RPS6KA6: variants seen among roughly 807,000 people sequenced by gnomAD.
The protein encoded by RPS6KA6 is ribosomal protein S6 kinase alpha-6.
A neutral mutation model predicts 65.4 loss-of-function variants in RPS6KA6; 27 were observed. The ratio of observed to expected loss-of-function variants is 0.41; its 90% CI spans 0.30 to 0.57. The LOEUF (loss-of-function observed/expected upper bound fraction) is 0.57, where lower values mean the gene tolerates loss of function less well. Among genes scored for constraint, RPS6KA6 ranks in the 20% least tolerant of loss-of-function variants. The probability of loss-of-function intolerance (pLI) is 0.24; values close to 1 mark genes in which losing one functional copy is unlikely to be tolerated. For synonymous variants in RPS6KA6, 190 were observed against 184.2 expected, an observed-to-expected ratio of 1.03 and a Z score of -0.26; for missense variants, 486 against 555.6, an observed-to-expected ratio of 0.87 and a Z score of 1.26.
At chrX:84,108,818 C>T (rs907095607) in intron 12 of RPS6KA6, among the ~76,000 whole-genome samples, 12 of 111,677 alleles carry the variant, frequency 1.1e-4, no homozygotes, top group African/African-American at 3.3e-4. Context: ...TTGTGCACAC[C>T]TCAAAGACAG....
At chrX:84,117,297 T>C (rs941880747) in intron 10 of RPS6KA6, 87 bp downstream of exon 10, 2 of 686,828 alleles carry the variant, frequency 2.9e-6, no homozygotes, top group Non-Finnish European at 4.3e-6. Flanking sequence ...AAGGTACTCT[T>C]GTATTATTTT....
intron 13 of RPS6KA6, 122 bp downstream of exon 13, chrX:84,107,500 TC>T (rs1801037155): frequency 4.8e-6 from 2 of 414,174 alleles, no homozygotes. Context: ...GATCCATATT[TC>T]CCATGGACAA....
intron 20 of RPS6KA6, among the ~76,000 whole-genome samples, chrX:84,072,435 A>G (rs150682995): frequency 8.9e-6 from 1 of 111,890 alleles, no homozygotes; most frequent in African/African-American, 3.2e-5. Context: ...TGACAAACCC[A>G]CAACTAATAT....
chrX:84,082,174 C>A (rs1363393956), intron 20 of RPS6KA6, among the ~76,000 whole-genome samples: 2 of 111,735 alleles, frequency 1.8e-5, no homozygotes, highest in Non-Finnish European at 3.8e-5. Context: ...TTGCAGATGA[C>A]ATTATTGTAT....
intron 8 of RPS6KA6, among the ~76,000 whole-genome samples, chrX:84,131,830 G>T (rs887854575): frequency 2.7e-5 from 3 of 111,396 alleles, no homozygotes; most frequent in Non-Finnish European, 5.7e-5. Flanking sequence ...GGGTTATTTT[G>T]GGGGGTAGGT....
chrX:84,065,374 G>A (rs958105488), intron 20 of RPS6KA6, among the ~76,000 whole-genome samples: 1 of 111,433 alleles, frequency 9.0e-6, no homozygotes, highest in Non-Finnish European at 1.9e-5. Flanking sequence ...AGTGACGGAG[G>A]AGGAAAATGT....
chrX:84,083,545 G>T (rs1256885571), intron 20 of RPS6KA6, among the ~76,000 whole-genome samples: 2 of 112,058 alleles, frequency 1.8e-5, no homozygotes, highest in African/African-American at 6.5e-5. Context: ...CCATGTCCCT[G>T]CAAAGAACAT....
intron 9 of RPS6KA6, among the ~76,000 whole-genome samples, chrX:84,118,154 C>G (rs778055106): frequency 9.2e-4 from 103 of 112,031 alleles, no homozygotes; most frequent in Non-Finnish European, 1.6e-3. Context: ...ATTTAAATCT[C>G]AAACTTAGAT....
intron 2 of RPS6KA6, among the ~76,000 whole-genome samples, chrX:84,158,972 A>G (rs2035463334): frequency 3.6e-5 from 4 of 111,765 alleles, no homozygotes; most frequent in African/African-American, 3.2e-5. Context: ...TTGAAAAACA[A>G]TATTTGGGTG....
At chrX:84,085,639 T>C (rs1043781981) in intron 20 of RPS6KA6, among the ~76,000 whole-genome samples, 3 of 111,263 alleles carry the variant, frequency 2.7e-5, no homozygotes, top group Non-Finnish European at 3.8e-5. Context: ...CTGGAGTTAT[T>C]TGTTGTTGTT....
At chrX:84,098,453 T>C (rs149002162) in intron 18 of RPS6KA6, among the ~76,000 whole-genome samples, 327 of 111,390 alleles carry the variant, frequency 2.9e-3, no homozygotes, top group African/African-American at 0.01. Context: ...AAGCTGTTTT[T>C]TGGGGCCAGT....
chrX:84,170,165 T>TA (rs746518015), intron 1 of RPS6KA6, among the ~76,000 whole-genome samples: 7,488 of 55,108 alleles, frequency 0.14, 565 homozygotes, highest in East Asian at 0.45. Flanking sequence ...AGACTCCTTC[T>TA]AAAAAAAAAA....
At chrX:84,166,870 TA>T (rs775192464) in intron 1 of RPS6KA6, among the ~76,000 whole-genome samples, 87 of 111,307 alleles carry the variant, frequency 7.8e-4, no homozygotes, top group Middle Eastern at 4.6e-3. Flanking sequence ...GTGAATATAA[TA>T]AAAAGTATTG....
At position 84,186,291 on chromosome X, in the gene RPS6KA6, A is replaced by G. The variant is rs915690764; in HGVS notation, c.81+1528T>C. 7.2e-5 allele frequency: 26 copies of G among 361,134 alleles called. No homozygotes were observed. In the Admixed American group the frequency reaches 1.3e-3, roughly 18 times the overall value. The allele number at this position is 361,134 out of a possible 1,213,427, so 29.8% of individuals were successfully genotyped here. A position where few individuals can be genotyped will look rare whatever the true frequency, so the allele number is the denominator to read the frequency against. Reference sequence around the variant, plus strand: ...GATTCCCACCTCCCATCCCATCCTTATATCAAAGCATTTAACTGTTTTTAT... The same window carrying G: ...GATTCCCACCTCCCATCCCATCCTTGTATCAAAGCATTTAACTGTTTTTAT... On this transcript the variant is annotated intron_variant, in intron 1 of 21. Coordinates refer to ENST00000262752, the MANE Select transcript of RPS6KA6 (RefSeq NM_014496.5).
chrX:84,166,465 T>C (rs2035598215), intron 1 of RPS6KA6, among the ~76,000 whole-genome samples: 1 of 111,330 alleles, frequency 9.0e-6, no homozygotes, highest in African/African-American at 3.3e-5. Context: ...ATTTTAAAAA[T>C]ACTGGATAGA....
chrX:84,083,254 A>T (rs1439109805), intron 20 of RPS6KA6, among the ~76,000 whole-genome samples: 1 of 112,944 alleles, frequency 8.9e-6, no homozygotes, highest in Non-Finnish European at 1.9e-5. Flanking sequence ...TTTACAAGAA[A>T]AAAACATGCA....
chrX:84,094,770 C>T (rs2034121040), intron 20 of RPS6KA6, among the ~76,000 whole-genome samples: 1 of 111,923 alleles, frequency 8.9e-6, no homozygotes, highest in South Asian at 3.7e-4. Context: ...TAACTGTGAG[C>T]CAACCAGGAA....
At chrX:84,177,877 C>T (rs989494991) in intron 1 of RPS6KA6, among the ~76,000 whole-genome samples, 1 of 111,667 alleles carries the variant, frequency 9.0e-6, no homozygotes, top group African/African-American at 3.3e-5. Flanking sequence ...TCACAGCAGC[C>T]TTGACTTCCC....
intron 1 of RPS6KA6, among the ~76,000 whole-genome samples, chrX:84,170,124 G>T (rs765441427): frequency 1.0e-5 from 1 of 96,662 alleles, no homozygotes; most frequent in Non-Finnish European, 2.0e-5. Flanking sequence ...CCGAGATTAT[G>T]CCACAACACT....
Sources: gnomAD v4.1 joint callset for allele counts (sites outside exome capture counted in the v4.1 genomes callset) on GRCh38, gnomAD v4.1.1 for gene constraint, MANE v1.5 for transcripts, NCBI Gene and HGNC (gene_info 2026-07-23, HGNC 2026-07-21) for gene names.